The following ZNF385D variants were observed in gnomAD, a reference collection of about 807,000 sequenced individuals.
The protein encoded by ZNF385D is zinc finger protein 385D.
A neutral mutation model predicts 35.8 loss-of-function variants in ZNF385D; 15 were observed. The observed-to-expected ratio is 0.42, with a 90% CI of 0.28 to 0.64. ZNF385D has a LOEUF of 0.64. Among genes scored for constraint, ZNF385D ranks in the 30% least tolerant of loss-of-function variants. The probability of loss-of-function intolerance (pLI) is 0.23; values close to 1 mark genes in which losing one functional copy is unlikely to be tolerated. For synonymous variants in ZNF385D, 212 were observed against 186.8 expected (o/e 1.13, Z -1.10); for missense variants, 474 against 494.6 (o/e 0.96, Z 0.39).
chr3:21,875,772 C>T (rs190733774), intron 3 of ZNF385D, among the ~76,000 whole-genome samples: 1 of 152,110 alleles, frequency 6.6e-6, no homozygotes, highest in Non-Finnish European at 1.5e-5. Context: ...CTGTTGTCAT[C>T]TTCATTGTGA....
chr3:21,842,512 G>C (rs112768742), intron 3 of ZNF385D, among the ~76,000 whole-genome samples: 1 of 151,942 alleles, frequency 6.6e-6, no homozygotes, highest in Non-Finnish European at 1.5e-5. Context: ...CCATTTGGTC[G>C]ACACAGGCTC....
chr3:22,206,777 A>C (rs937671815), intron 2 of ZNF385D, among the ~76,000 whole-genome samples: 3 of 151,960 alleles, frequency 2.0e-5, no homozygotes, highest in Non-Finnish European at 4.4e-5. Flanking sequence ...CAGTAAAAGC[A>C]ACACTAAGGA....
At chr3:21,724,275 T>C (rs1234955467) in intron 1 of ZNF385D, among the ~76,000 whole-genome samples, 2 of 151,748 alleles carry the variant, frequency 1.3e-5, no homozygotes, top group Non-Finnish European at 2.9e-5. Context: ...AGCATCATAA[T>C]GACAGGCTCA....
chr3:21,939,925 G>A (rs1701435690), intron 3 of ZNF385D, among the ~76,000 whole-genome samples: 1 of 152,170 alleles, frequency 6.6e-6, no homozygotes. Context: ...TTCACATAGG[G>A]AGTGATGAAT....
intron 2 of ZNF385D, among the ~76,000 whole-genome samples, chr3:22,180,136 C>T (rs973977902): frequency 2.6e-5 from 4 of 152,096 alleles, no homozygotes; most frequent in African/African-American, 7.2e-5. Flanking sequence ...ATACAAACTA[C>T]CATCAGAGAA....
intron 1 of ZNF385D, among the ~76,000 whole-genome samples, chr3:21,723,473 A>T (rs2087541): frequency 0.69 from 104,940 of 151,956 alleles, 36,360 homozygotes; most frequent in East Asian, 0.76. Context: ...CTGAAGGAGC[A>T]GAAAAACACA....
In ZNF385D at chr3:21,830,941, T is replaced by C. The variant is rs374086670; in HGVS notation, c.326-165913A>G. ...CATACCATAAGTTGGCTTTAAAAGTTGGTGAATAAGATATTCTGTTAAAAA... is the reference window on the plus strand; with the variant it reads ...CATACCATAAGTTGGCTTTAAAAGTCGGTGAATAAGATATTCTGTTAAAAA... On this transcript the variant is annotated intron_variant, in intron 3 of 5. Coordinates refer to the ZNF385D transcript ENST00000494108. Among the ~76,000 whole-genome samples the C allele has an allele frequency of 1.9e-3, 292 of 152,264 alleles. 1 individual carries two copies. Among genetic ancestry groups the C allele is most frequent in the African/African-American group, 6.3e-3 (261 of 41,548 alleles).
chr3:21,782,383 T>C lies in ZNF385D; in HGVS notation c.326-117355A>G, dbSNP rs147263436. On this transcript the variant is annotated intron_variant, in intron 3 of 5. Coordinates refer to the ZNF385D transcript ENST00000494108. Reference sequence around the variant, plus strand: ...GGAGTCAGAGAGTTTAAATATTTCTTTTATAAATTAGGAAACTGAGGCATG... The same window carrying C: ...GGAGTCAGAGAGTTTAAATATTTCTCTTATAAATTAGGAAACTGAGGCATG... 4.9e-3 allele frequency among the ~76,000 whole-genome samples: 748 copies of C among 152,222 alleles called. 10 individuals carry two copies. The highest frequency in any genetic ancestry group is 0.017 in the African/African-American group (691 of 41,548).
chr3:22,134,192 A>T (rs1471583436), intron 3 of ZNF385D: 1 of 152,152 alleles, frequency 6.6e-6, no homozygotes, highest in African/African-American at 2.4e-5. Flanking sequence ...TGAACTGTAA[A>T]TATTATATAG....
intron 2 of ZNF385D, among the ~76,000 whole-genome samples, chr3:21,617,066 G>T (rs1264190068): frequency 6.6e-6 from 1 of 152,092 alleles, no homozygotes; most frequent in Non-Finnish European, 1.5e-5. Context: ...CCAAATTTGA[G>T]CAATCTCCTC....
In ZNF385D at chr3:22,049,245, G is replaced by A. The variant is rs533260770; in HGVS notation, c.325+119572C>T. ...TGGGAGGCAGAGGTTGCAGTGAGCC[G>A]AGACTGTGCCACTGCACTCCAGCCT... On this transcript the variant is annotated intron_variant, in intron 3 of 5. Coordinates refer to the ZNF385D transcript ENST00000494108. 2.4e-4 allele frequency among the ~76,000 whole-genome samples: 36 copies of A among 149,096 alleles called. No homozygotes were observed. The South Asian group carries it at 6.2e-3, about 26-fold the overall frequency.
intron 1 of ZNF385D, among the ~76,000 whole-genome samples, chr3:21,733,424 C>T (rs1219233990): frequency 1.3e-5 from 2 of 152,124 alleles, no homozygotes; most frequent in African/African-American, 4.8e-5. Flanking sequence ...TCATATTCTT[C>T]ATCAATTTTT....
intron 3 of ZNF385D, among the ~76,000 whole-genome samples, chr3:22,086,572 A>G (rs942036559): frequency 1.3e-5 from 2 of 152,198 alleles, no homozygotes; most frequent in East Asian, 3.8e-4. Context: ...ATGGAAGAAC[A>G]TTCCATGCTC....
chr3:21,958,047 A>G (rs1177282528), intron 3 of ZNF385D, among the ~76,000 whole-genome samples: 1 of 152,152 alleles, frequency 6.6e-6, no homozygotes, highest in Non-Finnish European at 1.5e-5. Flanking sequence ...GCACCCACAC[A>G]TTGCCCTTTT....
chr3:21,460,508 A>C (rs1190501387), intron 4 of ZNF385D, among the ~76,000 whole-genome samples: 1 of 152,028 alleles, frequency 6.6e-6, no homozygotes, highest in Admixed American at 6.6e-5. Context: ...AAAATAAATA[A>C]AGCAACCAAT....
intron 3 of ZNF385D, among the ~76,000 whole-genome samples, chr3:21,853,890 C>T (rs1696559555): frequency 1.3e-5 from 2 of 151,344 alleles, no homozygotes; most frequent in East Asian, 3.9e-4. Context: ...TCAAGAAAGG[C>T]AATATAAATA....
At chr3:21,856,721 A>C (rs954137665) in intron 3 of ZNF385D, among the ~76,000 whole-genome samples, 5 of 152,062 alleles carry the variant, frequency 3.3e-5, no homozygotes, top group African/African-American at 7.2e-5. Context: ...ATTTCTAACT[A>C]GTTGACCTGA....
At chr3:21,505,379 ACT>A (rs35469668) in intron 4 of ZNF385D, among the ~76,000 whole-genome samples, 28,194 of 151,828 alleles carry the variant, frequency 0.19, 2,680 homozygotes, top group Admixed American at 0.26. Context: ...GAAGGAACAG[ACT>A]CTTTGTGGCA....
intron 3 of ZNF385D, among the ~76,000 whole-genome samples, chr3:21,759,244 A>G (rs1052081015): frequency 1.5e-4 from 23 of 152,116 alleles, no homozygotes; most frequent in African/African-American, 5.6e-4. Context: ...AGGTGGTGGA[A>G]CTTAAGCCCT....
Sources: allele counts gnomAD v4.1 joint callset (sites outside exome capture counted in the v4.1 genomes callset), GRCh38; gene constraint gnomAD v4.1.1; transcripts MANE v1.5; gene names NCBI Gene and HGNC (gene_info 2026-07-23, HGNC 2026-07-21).